PROS1: variants seen among roughly 807,000 people sequenced by gnomAD.
The protein encoded by PROS1 is protein S, also known as vitamin K-dependent protein S.
In PROS1, 29 loss-of-function variants were observed where a neutral mutation model predicts 75.9. The observed-to-expected ratio is 0.38, with a 90% CI of 0.28 to 0.52. The LOEUF (loss-of-function observed/expected upper bound fraction) is 0.52, where lower values mean the gene tolerates loss of function less well. Ranked by LOEUF, PROS1 falls within the 20% of genes least tolerant of loss-of-function variation. PROS1 has a pLI of 0.83. For missense variants in PROS1, 680 were observed against 810.3 expected (o/e 0.84, Z 1.95); for synonymous variants, 245 against 280.6 (o/e 0.87, Z 1.27).
At chr3:93,938,494 T>A (rs1709225044) in intron 1 of PROS1, among the ~76,000 whole-genome samples, 2 of 152,096 alleles carry the variant, frequency 1.3e-5, no homozygotes, top group Non-Finnish European at 2.9e-5. Flanking sequence ...ACTTGTCCCC[T>A]GTCCTCGTCC....
chr3:93,962,117 G>A (rs1006691474), intron 1 of PROS1, among the ~76,000 whole-genome samples: 2 of 152,092 alleles, frequency 1.3e-5, no homozygotes, highest in African/African-American at 4.8e-5. Context: ...CAATGGAAAT[G>A]AGCCCCCAGA....
chr3:93,940,762 A>T (rs1295047791), intron 1 of PROS1, among the ~76,000 whole-genome samples: 2 of 152,108 alleles, frequency 1.3e-5, no homozygotes, highest in African/African-American at 4.8e-5. Flanking sequence ...CCTATCCCAC[A>T]ACAGGCTTTA....
intron 9 of PROS1, among the ~76,000 whole-genome samples, chr3:93,893,370 G>A (rs1177684305): frequency 6.6e-6 from 1 of 152,156 alleles, no homozygotes; most frequent in East Asian, 1.9e-4. Flanking sequence ...CCAGGGAACA[G>A]ATGCTTTGGT....
chr3:93,909,769 C>T (rs181290677), intron 4 of PROS1, among the ~76,000 whole-genome samples: 48 of 152,134 alleles, frequency 3.2e-4, no homozygotes, highest in Non-Finnish European at 6.5e-4. Flanking sequence ...ACCTAGCTAA[C>T]GCCTAATTAA....
At chr3:93,893,834 T>A (rs1708465865) in intron 9 of PROS1, among the ~76,000 whole-genome samples, 1 of 152,200 alleles carries the variant, frequency 6.6e-6, no homozygotes, top group East Asian at 1.9e-4. Flanking sequence ...AGACATAGTC[T>A]ACCCATGTGT....
intron 1 of PROS1, among the ~76,000 whole-genome samples, chr3:93,943,178 T>G (rs1709316706): frequency 6.6e-6 from 1 of 152,060 alleles, no homozygotes; most frequent in East Asian, 1.9e-4. Context: ...ACCTCAATCT[T>G]TAGGAAAGAT....
chr3:93,874,147 C>A lies in PROS1; in HGVS notation c.*98G>T, dbSNP rs896036595. The A allele has an allele frequency of 1.3e-5, 18 of 1,382,444 alleles. No homozygotes were observed. The highest frequency in any genetic ancestry group is 1.7e-5 in the Non-Finnish European group (17 of 986,306). The allele number at this position is 1,382,444 out of a possible 1,614,324, so 85.6% of individuals were successfully genotyped here. ...TCCCAGGAAAGGACCACAAAATAATCAAAGACTGCACATTGTAAATAAAAC... is the reference window on the plus strand; with the variant it reads ...TCCCAGGAAAGGACCACAAAATAATAAAAGACTGCACATTGTAAATAAAAC... On this transcript the variant is annotated 3_prime_UTR_variant, in exon 15 of 15. Coordinates refer to ENST00000394236, the MANE Select transcript of PROS1 (RefSeq NM_000313.4).
chr3:93,944,982 G>C (rs1709356906), intron 1 of PROS1, among the ~76,000 whole-genome samples: 1 of 151,978 alleles, frequency 6.6e-6, no homozygotes, highest in African/African-American at 2.4e-5. Context: ...TGATAAAGGG[G>C]ATAACACCAC....
At position 93,877,021 on chromosome 3, in the gene PROS1, G is replaced by C; in HGVS notation, c.1815C>G (p.Ala605=). The C allele has an allele frequency of 6.2e-7, 1 of 1,613,878 alleles. No individual in the cohort carries two copies. Residue 605 remains alanine (A), a synonymous_variant, in exon 14 of 15, where the codon GCC becomes GCG. Transcript: ENST00000394236. The part of the protein sequence containing the change: ...ISHEDLQRQL[A]VLDKAMKAKV... Reference sequence around the variant, plus strand: ...TTGCTTTCATTGCTTTGTCCAAGACGGCAAGTTGTCTTTGAAGGTCTTCAT... The same window carrying C: ...TTGCTTTCATTGCTTTGTCCAAGACCGCAAGTTGTCTTTGAAGGTCTTCAT...
At chr3:93,963,512 C>T (rs1449922871) in intron 1 of PROS1, among the ~76,000 whole-genome samples, 3 of 152,118 alleles carry the variant, frequency 2.0e-5, no homozygotes, top group Non-Finnish European at 4.4e-5. Flanking sequence ...GTCTGCATCA[C>T]TACAAAGGAA....
At chr3:93,963,681 C>A (rs1709742268) in intron 1 of PROS1, among the ~76,000 whole-genome samples, 1 of 145,276 alleles carries the variant, frequency 6.9e-6, no homozygotes, top group Non-Finnish European at 1.5e-5. Flanking sequence ...ATCACATGGC[C>A]AGAATGGGAG....
chr3:93,905,652 T>C (rs1576186817), intron 6 of PROS1, 132 bp downstream of exon 6: 1 of 981,222 alleles, frequency 1.0e-6, no homozygotes, highest in Non-Finnish European at 1.5e-6. Flanking sequence ...ATCACAAGGC[T>C]TCAATGTCGA....
intron 1 of PROS1, among the ~76,000 whole-genome samples, 190 bp from the exon 2 acceptor site, chr3:93,927,597 TGTGCAGCTGCAGCCCTTGTATG>T (rs1315660579): frequency 6.6e-6 from 1 of 151,998 alleles, no homozygotes; most frequent in East Asian, 1.9e-4. Context: ...GCGGGTTTGG[TGTGCAGCTGCAGCCCTTGTATG>T]ATGGTCTACA....
intron 1 of PROS1, among the ~76,000 whole-genome samples, chr3:93,965,593 A>T (rs1210043882): frequency 1.3e-5 from 2 of 152,162 alleles, no homozygotes; most frequent in Non-Finnish European, 2.9e-5. Context: ...TAGGCTTGCC[A>T]CCACCTTGGA....
intron 1 of PROS1, among the ~76,000 whole-genome samples, chr3:93,957,421 T>C (rs552291094): frequency 1.3e-5 from 2 of 152,314 alleles, no homozygotes; most frequent in South Asian, 4.1e-4. Context: ...CTTTCTTGAA[T>C]AGTTTTAAAA....
rs1376897195 is a variant in PROS1, at chr3:93,888,153, T to A, written c.1156-1650A>T. Among the ~76,000 whole-genome samples the A allele has an allele frequency of 3.9e-5, 6 of 152,338 alleles. No individual in the cohort carries two copies. In the South Asian group the frequency reaches 8.3e-4, roughly 21 times the overall value. Reference sequence around the variant, plus strand: ...ATTACATTTTTCAAGAATGTAATAATCTTGACAACTAAGGATAGATTGATA... The same window carrying A: ...ATTACATTTTTCAAGAATGTAATAAACTTGACAACTAAGGATAGATTGATA... On this transcript the variant is annotated intron_variant, in intron 10 of 14. Transcript: ENST00000394236.
chr3:93,963,200 GTTGT>G (rs1344328967), intron 1 of PROS1, among the ~76,000 whole-genome samples: 1 of 152,118 alleles, frequency 6.6e-6, no homozygotes, highest in Non-Finnish European at 1.5e-5. Flanking sequence ...TGGGTTTTTT[GTTGT>G]TTGTTTGTTT....
chr3:93,898,708 A>G lies in PROS1; in HGVS notation c.728-139T>C. 3 of 932,836 alleles carry G rather than the reference A, an allele frequency of 3.2e-6. No individual in the cohort carries two copies. In the South Asian group the frequency reaches 4.3e-5, roughly 13 times the overall value. 57.8% of individuals were successfully genotyped at this position (932,836 alleles called of 1,614,324 possible). ...AGGGAAAGAAATACTATGACATCAA[A>G]CTACATTTAAACATAATACTGAACA... On this transcript the variant is annotated intron_variant, in intron 7 of 14. Transcript: ENST00000394236.
intron 1 of PROS1, among the ~76,000 whole-genome samples, chr3:93,955,197 A>G (rs925713695): frequency 2.6e-5 from 4 of 152,190 alleles, no homozygotes; most frequent in African/African-American, 9.7e-5. Context: ...AACTAGAAAT[A>G]CCAATTGACC....
Sources: gnomAD v4.1 joint callset for allele counts (sites outside exome capture counted in the v4.1 genomes callset) on GRCh38, gnomAD v4.1.1 for gene constraint, MANE v1.5 for transcripts, NCBI Gene and HGNC (gene_info 2026-07-23, HGNC 2026-07-21) for gene names.